The following ERLEC1 variants were observed in gnomAD, a reference collection of about 807,000 sequenced individuals.
ERLEC1 encodes ER lectin.
In ERLEC1, 47 loss-of-function variants were observed where a neutral mutation model predicts 68.0. That is an observed-to-expected ratio of 0.69 (90% CI 0.55 to 0.88). The LOEUF (loss-of-function observed/expected upper bound fraction) is 0.88, where lower values mean the gene tolerates loss of function less well. Among genes scored for constraint, ERLEC1 ranks in the 40% least tolerant of loss-of-function variants. ERLEC1 has a pLI of 0.00. For synonymous variants in ERLEC1, 225 were observed against 203.2 expected (o/e 1.11, Z -0.91); for missense variants, 567 against 583.8 (o/e 0.97, Z 0.30).
intron 8 of ERLEC1, among the ~76,000 whole-genome samples, chr2:53,806,609 T>C (rs965949497): frequency 1.3e-5 from 2 of 152,188 alleles, no homozygotes; most frequent in Non-Finnish European, 2.9e-5. Flanking sequence ...TGACAGTCCT[T>C]GTTCTTCCTA....
At chr2:53,814,665 C>T in intron 12 of ERLEC1, 45 bp downstream of exon 12, 1 of 1,427,356 alleles carries the variant, frequency 7.0e-7, no homozygotes, top group Non-Finnish European at 9.8e-7. Context: ...TGTCTTTTAA[C>T]TGCTTCCTAT....
In ERLEC1 at chr2:53,814,846, G is replaced by T. The variant is rs2542571; in HGVS notation, c.1305-14G>T. The T allele has an allele frequency of 0.43, 677,954 of 1,582,100 alleles. 147,751 individuals are homozygous for T. Among genetic ancestry groups the T allele is most frequent in the African/African-American group, 0.54 (39,776 of 73,974 alleles). ...AATGATTTGGACAGTACCTTAAAGT[G>T]CTCTCTGTTTTAGGTGCAAAGAATC... On this transcript the variant is annotated splice_polypyrimidine_tract_variant and intron_variant, in intron 12 of 13. Transcript: ENST00000185150.
Position 53,799,046 on chromosome 2 carries a change from G to C in ERLEC1, c.491-1G>C, listed in dbSNP as rs779085362. ...TTTACACTTACCTTATTATTCCACA[G>C]AACGAGAAGCAGAAGAAAAGGAAAA... On this transcript the variant is annotated splice_acceptor_variant, in intron 5 of 13. Coordinates refer to ENST00000185150, the MANE Select transcript of ERLEC1 (RefSeq NM_015701.5). LOFTEE classifies it high-confidence loss of function. The C allele has an allele frequency of 6.2e-7, 1 of 1,612,242 alleles. No individual in the cohort carries two copies. The highest frequency in any genetic ancestry group is 2.2e-5 in the East Asian group (1 of 44,712).
intron 13 of ERLEC1, among the ~76,000 whole-genome samples, chr2:53,816,272 T>G (rs1288552158): frequency 3.3e-5 from 5 of 149,932 alleles, no homozygotes; most frequent in Admixed American, 6.6e-5. Context: ...TTGGTTTTTT[T>G]TTTTTTTTTT....
intron 10 of ERLEC1, among the ~76,000 whole-genome samples, chr2:53,811,305 T>C (rs2104332352): frequency 6.6e-6 from 1 of 152,362 alleles, no homozygotes; most frequent in South Asian, 2.1e-4. Flanking sequence ...AATAGTTCTG[T>C]TGGTATACTT....
At chr2:53,794,562 T>C (rs920467826) in intron 2 of ERLEC1, 113 bp downstream of exon 2, 4 of 570,286 alleles carry the variant, frequency 7.0e-6, no homozygotes, top group African/African-American at 4.0e-5. Context: ...TAACGCTCTT[T>C]TAGCATAAAA....
At chr2:53,799,492 T>C (rs1176609429) in intron 6 of ERLEC1, among the ~76,000 whole-genome samples, 2 of 152,130 alleles carry the variant, frequency 1.3e-5, no homozygotes, top group African/African-American at 4.8e-5. Context: ...AGGGACAGTC[T>C]TTTATCTCTT....
At position 53,814,575 on chromosome 2, in the gene ERLEC1, T is replaced by A; in HGVS notation, c.1259T>A (p.Ile420Asn). 1 of 1,612,128 alleles carries A rather than the reference T, an allele frequency of 6.2e-7. No homozygotes were observed. Among genetic ancestry groups the A allele is most frequent in the Non-Finnish European group, 8.5e-7 (1 of 1,178,842 alleles). ...TCACATTTTTATGGAAATGGAGATA[T>A]TTGTGATATAACTGACAAACCAAGA... ...MVSHFYGNGDICDITDKPRQV... is the reference protein window; with the variant it reads ...MVSHFYGNGDNCDITDKPRQV... The change falls in exon 12 of 14, where the codon ATT (isoleucine) becomes AAT (asparagine). Residue 420 changes from isoleucine to asparagine, a missense_variant. By Grantham distance (149) the Ile-to-Asn change is moderately radical. Coordinates refer to ENST00000185150, the MANE Select transcript of ERLEC1 (RefSeq NM_015701.5).
intron 13 of ERLEC1, among the ~76,000 whole-genome samples, chr2:53,815,255 C>T (rs1401709916): frequency 6.6e-6 from 1 of 152,062 alleles, no homozygotes; most frequent in South Asian, 2.1e-4. Context: ...ATCCACCCAC[C>T]TCAGCCTCCC....
At chr2:53,815,004 T>TTC in intron 13 of ERLEC1, 69 bp downstream of exon 13, 1 of 965,056 alleles carries the variant, frequency 1.0e-6, no homozygotes, top group Non-Finnish European at 1.5e-6. Context: ...TCTTTTTTTT[T>TTC]TTTTTTTTTT....
intron 1 of ERLEC1, 98 bp downstream of exon 1, chr2:53,787,470 C>T (rs1675113846): frequency 1.4e-6 from 2 of 1,379,784 alleles, no homozygotes; most frequent in Admixed American, 2.3e-5. Context: ...CCAAGACCTT[C>T]TCTGCAGACT....
chr2:53,806,527 A>G (rs1027282755), intron 8 of ERLEC1, among the ~76,000 whole-genome samples: 2 of 152,222 alleles, frequency 1.3e-5, no homozygotes, highest in Admixed American at 6.5e-5. Context: ...ATGCCAAAAT[A>G]TAGTAGGCTC....
chr2:53,808,930 A>C (rs1222162805), intron 9 of ERLEC1, among the ~76,000 whole-genome samples: 1 of 152,218 alleles, frequency 6.6e-6, no homozygotes, highest in East Asian at 1.9e-4. Flanking sequence ...CACCTGGCCA[A>C]CATCTCCCTT....
At chr2:53,788,096 G>A (rs1675170922) in intron 1 of ERLEC1, among the ~76,000 whole-genome samples, 1 of 152,134 alleles carries the variant, frequency 6.6e-6, no homozygotes. Context: ...TCCTGTCCAC[G>A]TGTACCTACT....
At position 53,787,208 on chromosome 2, in the gene ERLEC1, A is replaced by AGGATGGAGGAAGGAGGCGGCGGC; in HGVS notation, c.-1_22dup. On this transcript the variant is annotated 5_prime_UTR_variant, in exon 1 of 14. In the 5' UTR this introduces an upstream ATG that the reference lacks. Transcript: ENST00000185150. ...CGGTGGCTGGAGAAAGCGGCGGCGG[A>AGGATGGAGGAAGGAGGCGGCGGC]GGATGGAGGAAGGAGGCGGCGGCGT... 6.6e-7 allele frequency: 1 copy of AGGATGGAGGAAGGAGGCGGCGGC among 1,513,808 alleles called. No homozygotes were observed. Among genetic ancestry groups the AGGATGGAGGAAGGAGGCGGCGGC allele is most frequent in the African/African-American group, 1.4e-5 (1 of 71,546 alleles). The allele number at this position is 1,513,808 out of a possible 1,614,324, so 93.8% of individuals were successfully genotyped here. A position where few individuals can be genotyped will look rare whatever the true frequency, so the allele number is the denominator to read the frequency against.
chr2:53,812,685 G>A (rs938216465), intron 10 of ERLEC1, among the ~76,000 whole-genome samples: 3 of 152,128 alleles, frequency 2.0e-5, no homozygotes, highest in Admixed American at 6.5e-5. Context: ...ACCTGTAGAA[G>A]AGAAAAAGAG....
At chr2:53,796,156 G>T (rs1675686250) in intron 3 of ERLEC1, 143 bp downstream of exon 3, 4 of 527,726 alleles carry the variant, frequency 7.6e-6, no homozygotes, top group Non-Finnish European at 1.3e-5. Context: ...ACCTGTGCAG[G>T]ATTGTTATAT....
At chr2:53,797,954 T>C (rs548125010) in intron 5 of ERLEC1, among the ~76,000 whole-genome samples, 159 bp downstream of exon 5, 15 of 152,322 alleles carry the variant, frequency 9.8e-5, no homozygotes, top group African/African-American at 3.6e-4. Context: ...CCCAGCACTT[T>C]GGGAGGCCAA....
chr2:53,805,129 T>C (rs1676217845), intron 8 of ERLEC1, among the ~76,000 whole-genome samples: 1 of 151,526 alleles, frequency 6.6e-6, no homozygotes. Flanking sequence ...TTCAAGTGAT[T>C]CTCCTGCCTC....
Sources: gnomAD v4.1 joint callset for allele counts (sites outside exome capture counted in the v4.1 genomes callset) on GRCh38, gnomAD v4.1.1 for gene constraint, MANE v1.5 for transcripts, NCBI Gene and HGNC (gene_info 2026-07-23, HGNC 2026-07-21) for gene names.